Variants in DAB1 observed in about 807,000 individuals in gnomAD.
DAB1 encodes the protein DAB adaptor protein 1, also known as disabled homolog 1.
Under a neutral mutation model 64.6 loss-of-function variants are expected in DAB1, and 15 were observed. That is an observed-to-expected ratio of 0.23 (90% CI 0.16 to 0.36). The LOEUF is 0.36. Among genes scored for constraint, DAB1 ranks in the 10% least tolerant of loss-of-function variants. The pLI is 1.00. For synonymous variants in DAB1, 235 were observed against 251.9 expected, an observed-to-expected ratio of 0.93 and a Z score of 0.64; for missense variants, 596 against 706.7, an observed-to-expected ratio of 0.84 and a Z score of 1.78.
At chr1:57,425,840 A>G (rs1685264300), upstream of DAB1, among the ~76,000 whole-genome samples, 1 of 152,170 alleles carries the variant, frequency 6.6e-6, no homozygotes, top group African/African-American at 2.4e-5. Context: ...AAAGTTCTAG[A>G]AAGTGGGGAC....
chr1:58,191,122 T>C (rs1657366669), intron 4 of DAB1, among the ~76,000 whole-genome samples: 1 of 152,212 alleles, frequency 6.6e-6, no homozygotes, highest in Non-Finnish European at 1.5e-5. Flanking sequence ...ACATGGAGGA[T>C]GGTGTAAGAC....
In DAB1 at chr1:58,287,309, T is replaced by C. The variant is rs149757644; in HGVS notation, n.309+56043A>G. On this transcript the variant is annotated intron_variant and non_coding_transcript_variant, in intron 4 of 20. Coordinates refer to the DAB1 transcript ENST00000485760. ...TAACATACATAGGCAATCCTGCACA[T>C]GGACCCTGGAACTTAAAATTTAAAA... 4.3e-3 allele frequency among the ~76,000 whole-genome samples: 651 copies of C among 152,270 alleles called. 5 individuals carry two copies. The highest frequency in any genetic ancestry group is 0.015 in the African/African-American group (637 of 41,560).
rs869176789 is a variant in DAB1, at chr1:58,000,564, CTTT to C, written n.388-116405_388-116403del. Among the ~76,000 whole-genome samples the C allele has an allele frequency of 5.2e-5, 5 of 95,738 alleles. No individual in the cohort carries two copies. In the Admixed American group the frequency reaches 5.6e-4, roughly 11 times the overall value. 62.8% of individuals were successfully genotyped at this position (95,738 alleles called of 152,430 possible). A position where few individuals can be genotyped will look rare whatever the true frequency, so the allele number is the denominator to read the frequency against. The stretch of plus-strand genomic sequence containing the variant: ...TATTCTCTCTTCTCCTCTTTTTTGC[CTTT>C]TTTTTTTTTTTTTTTTTTTTTGAGA... On this transcript the variant is annotated intron_variant and non_coding_transcript_variant, in intron 5 of 20. Transcript: ENST00000485760.
At chr1:58,049,951 CCATGAAGG>C (rs1647529783) in intron 5 of DAB1, among the ~76,000 whole-genome samples, 1 of 151,948 alleles carries the variant, frequency 6.6e-6, no homozygotes, top group South Asian at 2.1e-4. Flanking sequence ...ATGCAGGAAA[CCATGAAGG>C]CATGAAGTTG....
chr1:57,043,098 G>A (rs745370175), intron 9 of DAB1, among the ~76,000 whole-genome samples: 24 of 152,186 alleles, frequency 1.6e-4, no homozygotes, highest in Non-Finnish European at 3.1e-4. Context: ...GACTCTTCAA[G>A]CTCCTTCCCA....
intron 4 of DAB1, among the ~76,000 whole-genome samples, chr1:58,232,073 A>G (rs1049942309): frequency 6.6e-5 from 10 of 152,152 alleles, no homozygotes; most frequent in African/African-American, 2.4e-4. Context: ...ATCAACACCA[A>G]TATCAGTCAC....
At chr1:58,403,429 C>T (rs1484150754) in intron 3 of DAB1, among the ~76,000 whole-genome samples, 1 of 152,128 alleles carries the variant, frequency 6.6e-6, no homozygotes, top group African/African-American at 2.4e-5. Flanking sequence ...CCCTGCATTA[C>T]TTCCTTTTAA....
At chr1:58,292,984 G>A (rs1222500713) in intron 4 of DAB1, among the ~76,000 whole-genome samples, 1 of 152,034 alleles carries the variant, frequency 6.6e-6, no homozygotes, top group Non-Finnish European at 1.5e-5. Flanking sequence ...AGACCCACAT[G>A]AGACCCAACT....
Position 57,815,430 on chromosome 1 carries a change from G to GACTGA in DAB1, n.551+68564_551+68568dup, listed in dbSNP as rs1409183452. On this transcript the variant is annotated intron_variant and non_coding_transcript_variant, in intron 6 of 20. Transcript: ENST00000485760. ...GAATCACATAGAATGAACTGGACTG[G>GACTGA]ACTGAACTGGAATGGGAAGTAACTC... is the stretch of plus-strand genomic sequence containing the variant. 2.0e-5 allele frequency among the ~76,000 whole-genome samples: 3 copies of GACTGA among 152,102 alleles called. No homozygotes were observed. The South Asian group carries it at 6.2e-4, about 32-fold the overall frequency.
At chr1:57,393,614 G>A (rs1212735551) in intron 1 of DAB1, among the ~76,000 whole-genome samples, 1 of 152,146 alleles carries the variant, frequency 6.6e-6, no homozygotes, top group Non-Finnish European at 1.5e-5. Flanking sequence ...GCAGCAGTGA[G>A]CCATGATCGT....
intron 5 of DAB1, among the ~76,000 whole-genome samples, chr1:58,120,908 T>G (rs1468590688): frequency 6.6e-6 from 1 of 152,150 alleles, no homozygotes; most frequent in Non-Finnish European, 1.5e-5. Flanking sequence ...TAATTCCAAT[T>G]TCACAACTTA....
At chr1:57,514,530 G>C (rs1644442301) in intron 7 of DAB1, among the ~76,000 whole-genome samples, 2 of 152,148 alleles carry the variant, frequency 1.3e-5, no homozygotes, top group African/African-American at 4.8e-5. Context: ...TTTGTTCACT[G>C]ATATGTATCT....
chr1:57,485,838 CT>C (rs1465381387), intron 7 of DAB1, among the ~76,000 whole-genome samples: 2 of 152,210 alleles, frequency 1.3e-5, no homozygotes, highest in Non-Finnish European at 2.9e-5. Flanking sequence ...CCTTGGTAAA[CT>C]GTAAACTATT....
At chr1:58,139,807 T>C (rs1268033694) in intron 5 of DAB1, among the ~76,000 whole-genome samples, 1 of 152,180 alleles carries the variant, frequency 6.6e-6, no homozygotes, top group South Asian at 2.1e-4. Context: ...GCATTCAAAC[T>C]TACCTATAAA....
At position 57,091,644 on chromosome 1, in the gene DAB1, A is replaced by G. The variant is rs142595673; in HGVS notation, c.307-19230T>C. On this transcript the variant is annotated intron_variant, in intron 4 of 14. Transcript: ENST00000371236. ...AGAGGTTAAGAACATGGACACTGGA[A>G]CCAGACTGCCTGGGGGCCCTGCCAC... is the stretch of plus-strand genomic sequence containing the variant. Among the ~76,000 whole-genome samples, 24 of 152,304 alleles carry G rather than the reference A, an allele frequency of 1.6e-4. No individual in the cohort carries two copies. The East Asian group carries it at 3.3e-3, about 21-fold the overall frequency.
At chr1:57,693,491 T>C (rs1249894774) in intron 6 of DAB1, among the ~76,000 whole-genome samples, 2 of 148,758 alleles carry the variant, frequency 1.3e-5, no homozygotes, top group Non-Finnish European at 2.9e-5. Context: ...CTCTGTAAAA[T>C]GGACCAATCA....
At position 58,510,036 on chromosome 1, in the gene DAB1, A is replaced by T. The variant is rs75465398; in HGVS notation, n.108-3827T>A. ...GAAAAGCCCAGAACCAGATGACCTC[A>T]CTGGTGAATGCCACCAAAAACATTT... On this transcript the variant is annotated intron_variant and non_coding_transcript_variant, in intron 2 of 20. Coordinates refer to the DAB1 transcript ENST00000485760. Among the ~76,000 whole-genome samples the T allele has an allele frequency of 8.6e-3, 1,308 of 152,292 alleles. 5 individuals are homozygous for T. Among genetic ancestry groups the T allele is most frequent in the Non-Finnish European group, 0.014 (932 of 68,014 alleles).
At chr1:57,969,347 T>C (rs760665756) in intron 5 of DAB1, among the ~76,000 whole-genome samples, 4 of 152,120 alleles carry the variant, frequency 2.6e-5, no homozygotes, top group Non-Finnish European at 5.9e-5. Context: ...CTTTTATTTA[T>C]ATATATATTT....
intron 3 of DAB1, among the ~76,000 whole-genome samples, chr1:58,464,419 T>C (rs1439240308): frequency 3.3e-5 from 5 of 152,178 alleles, no homozygotes; most frequent in African/African-American, 1.2e-4. Flanking sequence ...TCGTGTCCCC[T>C]GTCCTTGAGG....
Sources: allele counts gnomAD v4.1 joint callset (sites outside exome capture counted in the v4.1 genomes callset), GRCh38; gene constraint gnomAD v4.1.1; transcripts MANE v1.5; gene names NCBI Gene and HGNC (gene_info 2026-07-23, HGNC 2026-07-21).